CSMD1: variants seen among roughly 807,000 people sequenced by gnomAD.
The protein encoded by CSMD1 is CUB and sushi domain-containing protein 1.
In CSMD1, 213 loss-of-function variants were observed where a neutral mutation model predicts 417.5. The ratio of observed to expected loss-of-function variants is 0.51; its 90% CI spans 0.46 to 0.57. The LOEUF is 0.57. CSMD1 is among the 20% of genes least tolerant of loss of function. The pLI is 0.00. For missense variants in CSMD1, 6,923 were observed against 4,529.7 expected, an observed-to-expected ratio of 1.53 and a Z score of -15.17; for synonymous variants, 2,862 against 1,736.8, an observed-to-expected ratio of 1.65 and a Z score of -16.11.
intron 54 of CSMD1, among the ~76,000 whole-genome samples, chr8:2,997,796 T>C (rs1210340362): frequency 6.6e-6 from 1 of 152,182 alleles, no homozygotes; most frequent in Non-Finnish European, 1.5e-5. Flanking sequence ...GAGATAATTC[T>C]AGATTTTCGT....
At chr8:4,619,642 G>T (rs1300418019) in intron 2 of CSMD1, among the ~76,000 whole-genome samples, 2 of 152,080 alleles carry the variant, frequency 1.3e-5, no homozygotes, top group Admixed American at 1.3e-4. Flanking sequence ...CTAGCCACAT[G>T]GGACGTCATA....
At chr8:4,901,620 C>A (rs896975870) in intron 1 of CSMD1, among the ~76,000 whole-genome samples, 1 of 152,268 alleles carries the variant, frequency 6.6e-6, no homozygotes, top group African/African-American at 2.4e-5. Context: ...TGTCCCCATA[C>A]TTCATTTTTA....
In CSMD1 at chr8:3,352,214, A is replaced by C. The variant is rs111849145; in HGVS notation, c.3305-4053T>G. 3.4e-3 allele frequency among the ~76,000 whole-genome samples: 522 copies of C among 152,288 alleles called. 3 individuals are homozygous for C. The highest frequency in any genetic ancestry group is 0.012 in the African/African-American group (495 of 41,570). On this transcript the variant is annotated intron_variant, in intron 21 of 69. Transcript: ENST00000635120. ...GGTGCAAGACAAATAGGATGTTTTTATGATTTTATCAACATGACTGAAGTG... is the reference window on the plus strand; with the variant it reads ...GGTGCAAGACAAATAGGATGTTTTTCTGATTTTATCAACATGACTGAAGTG...
intron 1 of CSMD1, among the ~76,000 whole-genome samples, chr8:4,797,491 G>A (rs950728279): frequency 6.6e-6 from 1 of 152,118 alleles, no homozygotes; most frequent in Non-Finnish European, 1.5e-5. Flanking sequence ...AGTCATTGTG[G>A]TCTTTGCCAG....
At chr8:3,634,936 C>A (rs956067793) in intron 7 of CSMD1, among the ~76,000 whole-genome samples, 3 of 152,068 alleles carry the variant, frequency 2.0e-5, no homozygotes, top group Admixed American at 6.5e-5. Flanking sequence ...CAAACTCACA[C>A]CACATGTGAC....
intron 41 of CSMD1, among the ~76,000 whole-genome samples, chr8:3,135,184 G>A (rs1332060467): frequency 6.6e-6 from 1 of 152,168 alleles, no homozygotes; most frequent in Non-Finnish European, 1.5e-5. Context: ...CCAAAGTGCT[G>A]CAATTTATTT....
chr8:4,221,972 G>A (rs1026853685), intron 3 of CSMD1, among the ~76,000 whole-genome samples: 4 of 151,928 alleles, frequency 2.6e-5, no homozygotes, highest in African/African-American at 9.7e-5. Context: ...ATCTGCAATG[G>A]AGGAAGCTGT....
chr8:4,817,123 A>G (rs1799252975), intron 1 of CSMD1, among the ~76,000 whole-genome samples: 1 of 152,110 alleles, frequency 6.6e-6, no homozygotes. Flanking sequence ...GTATCTGTAT[A>G]TAAATACATA....
chr8:4,219,935 A>C (rs1274876876), intron 3 of CSMD1, among the ~76,000 whole-genome samples: 2 of 152,132 alleles, frequency 1.3e-5, no homozygotes, highest in African/African-American at 4.8e-5. Flanking sequence ...CACTCAAGAT[A>C]ATTTTTTAAA....
intron 61 of CSMD1, 31 bp downstream of exon 61, chr8:2,962,435 G>C (rs187653566): frequency 6.3e-7 from 1 of 1,581,844 alleles, no homozygotes; most frequent in Non-Finnish European, 8.6e-7. Flanking sequence ...AATACTCCCA[G>C]GTATCCCCAG....
chr8:3,241,715 C>T (rs1178541172), intron 26 of CSMD1, among the ~76,000 whole-genome samples: 1 of 152,136 alleles, frequency 6.6e-6, no homozygotes, highest in Non-Finnish European at 1.5e-5. Flanking sequence ...GGAGGAACGC[C>T]TGGCCGCTGC....
At chr8:3,827,755 G>T (rs992009736) in intron 5 of CSMD1, among the ~76,000 whole-genome samples, 1 of 152,128 alleles carries the variant, frequency 6.6e-6, no homozygotes, top group African/African-American at 2.4e-5. Flanking sequence ...ATACGATAAT[G>T]AATAGTTGAT....
chr8:3,710,217 T>G (rs1303701965), intron 6 of CSMD1, among the ~76,000 whole-genome samples: 1 of 152,176 alleles, frequency 6.6e-6, no homozygotes, highest in Non-Finnish European at 1.5e-5. Flanking sequence ...TTCTATACAT[T>G]CATTGAACAG....
intron 7 of CSMD1, among the ~76,000 whole-genome samples, chr8:3,662,531 T>C (rs929085535): frequency 2.6e-5 from 4 of 152,330 alleles, no homozygotes; most frequent in South Asian, 4.1e-4. Flanking sequence ...GTAGAATGAC[T>C]TAAAATCCTT....
intron 52 of CSMD1, among the ~76,000 whole-genome samples, chr8:3,008,562 T>C (rs777289964): frequency 1.3e-5 from 2 of 152,186 alleles, no homozygotes; most frequent in Non-Finnish European, 2.9e-5. Context: ...GTTTGTTCGT[T>C]TCCAGTAGAG....
chr8:3,740,506 G>T (rs1463137883), intron 6 of CSMD1, among the ~76,000 whole-genome samples: 3 of 152,146 alleles, frequency 2.0e-5, no homozygotes, highest in African/African-American at 7.2e-5. Flanking sequence ...CTCAGAGGAG[G>T]GTTCACCGAT....
chr8:4,001,082 TTATGAA>T (rs1815634557), intron 4 of CSMD1, among the ~76,000 whole-genome samples: 1 of 151,534 alleles, frequency 6.6e-6, no homozygotes, highest in Non-Finnish European at 1.5e-5. Flanking sequence ...CATCAAATGA[TTATGAA>T]TTTTTGTCAT....
intron 2 of CSMD1, among the ~76,000 whole-genome samples, chr8:4,481,260 CA>C (rs575443133): frequency 1.5e-3 from 232 of 152,360 alleles, no homozygotes; most frequent in African/African-American, 5.0e-3. Context: ...CGTGCCCATG[CA>C]CATTTTCCTG....
intron 23 of CSMD1, among the ~76,000 whole-genome samples, chr8:3,317,467 G>T (rs1171479059): frequency 2.0e-5 from 3 of 152,094 alleles, no homozygotes; most frequent in Non-Finnish European, 4.4e-5. Flanking sequence ...TTGTTCTGGT[G>T]CCTGTTTTCT....
Sources: gnomAD v4.1 joint callset for allele counts (sites outside exome capture counted in the v4.1 genomes callset) on GRCh38, gnomAD v4.1.1 for gene constraint, MANE v1.5 for transcripts, NCBI Gene and HGNC (gene_info 2026-07-23, HGNC 2026-07-21) for gene names.